SORCS1: variants seen among roughly 807,000 people sequenced by gnomAD.
SORCS1 encodes the protein sortilin related VPS10 domain containing receptor 1, also known as VPS10 domain-containing receptor SorCS1.
A neutral mutation model predicts 146.1 loss-of-function variants in SORCS1; 60 were observed. The ratio of observed to expected loss-of-function variants is 0.41; its 90% CI spans 0.33 to 0.51. The LOEUF (loss-of-function observed/expected upper bound fraction) is 0.51, where lower values mean the gene tolerates loss of function less well. SORCS1 is among the 20% of genes least tolerant of loss of function. SORCS1 has a pLI of 0.21. For missense variants in SORCS1, 1,352 were observed against 1,487.6 expected (o/e 0.91, Z 1.50); for synonymous variants, 637 against 584.0 (o/e 1.09, Z -1.31).
At position 106,868,343 on chromosome 10, in the gene SORCS1, C is replaced by T. The variant is rs1473483794; in HGVS notation, c.627-38670G>A. ...ACCTGAACTCAATATTGTACCAAAT[C>T]AATCTGATAGACCTCTACAGAACTC... On this transcript the variant is annotated intron_variant, in intron 2 of 25. Coordinates refer to ENST00000263054, the MANE Select transcript of SORCS1 (RefSeq NM_052918.5). Among the ~76,000 whole-genome samples the T allele has an allele frequency of 2.0e-5, 3 of 152,088 alleles. No individual in the cohort carries two copies. The East Asian group carries it at 5.8e-4, about 29-fold the overall frequency.
intron 2 of SORCS1, among the ~76,000 whole-genome samples, chr10:106,900,944 T>C (rs1442530598): frequency 6.6e-6 from 1 of 152,190 alleles, no homozygotes; most frequent in Non-Finnish European, 1.5e-5. Flanking sequence ...CTGCATATTT[T>C]GGTTTTGGTT....
intron 9 of SORCS1, among the ~76,000 whole-genome samples, chr10:106,690,399 A>G (rs941792875): frequency 6.6e-6 from 1 of 152,234 alleles, no homozygotes; most frequent in Non-Finnish European, 1.5e-5. Flanking sequence ...GAAGGAATAA[A>G]AATGTTACCT....
chr10:106,888,099 T>C (rs992754619), intron 2 of SORCS1, among the ~76,000 whole-genome samples: 7 of 152,164 alleles, frequency 4.6e-5, no homozygotes, highest in Admixed American at 2.6e-4. Flanking sequence ...ATAAGTGAAA[T>C]AGAATCTGAG....
At chr10:106,597,286 G>A in intron 24 of SORCS1, 65 bp downstream of exon 24, 6 of 1,299,226 alleles carry the variant, frequency 4.6e-6, no homozygotes, top group Middle Eastern at 1.8e-4. Flanking sequence ...TATGAGGAAG[G>A]AAGCACGGAC....
intron 2 of SORCS1, among the ~76,000 whole-genome samples, chr10:106,837,485 G>A (rs911900539): frequency 1.3e-5 from 2 of 151,560 alleles, no homozygotes; most frequent in African/African-American, 4.9e-5. Flanking sequence ...ATTGAATAAA[G>A]ACAGTACTGC....
At chr10:106,729,385 C>T (rs1856432564) in intron 6 of SORCS1, among the ~76,000 whole-genome samples, 1 of 152,042 alleles carries the variant, frequency 6.6e-6, no homozygotes, top group South Asian at 2.1e-4. Flanking sequence ...GCAATTCACT[C>T]AACTGACTCT....
the SORCS1 span, among the ~76,000 whole-genome samples, chr10:107,178,843 TA>T: frequency 0.057 from 8,668 of 151,884 alleles, 509 homozygotes; most frequent in East Asian, 0.3. Flanking sequence ...TATACCACAT[TA>T]AAAAAAATCC....
Position 106,707,453 on chromosome 10 carries a change from G to A in SORCS1, c.1144-819C>T, listed in dbSNP as rs967767168. On this transcript the variant is annotated intron_variant, in intron 7 of 25. Transcript: ENST00000263054. ...TGACCTCAGGTGATCTGCCCGCCTCGGCCTCCCAAAATGCTGGGATTACAG... is the reference window on the plus strand; with the variant it reads ...TGACCTCAGGTGATCTGCCCGCCTCAGCCTCCCAAAATGCTGGGATTACAG... Among the ~76,000 whole-genome samples, 9 of 152,102 alleles carry A rather than the reference G, an allele frequency of 5.9e-5. No individual in the cohort carries two copies. The East Asian group carries it at 1.2e-3, about 20-fold the overall frequency.
chr10:106,593,524 CA>C (rs1311309281), intron 24 of SORCS1, among the ~76,000 whole-genome samples: 1 of 152,222 alleles, frequency 6.6e-6, no homozygotes, highest in African/African-American at 2.4e-5. Flanking sequence ...GTTATTCCAT[CA>C]GCCCATGACA....
intron 1 of SORCS1, among the ~76,000 whole-genome samples, chr10:106,976,333 G>GTTTTTTTTTTGTTTTTTTTT (rs757120275): frequency 2.6e-5 from 3 of 113,814 alleles, no homozygotes; most frequent in African/African-American, 3.9e-5. Flanking sequence ...AGGTTTTTTT[G>GTTTTTTTTTTGTTTTTTTTT]TTTTTTTTTT....
rs955384204 is a variant in SORCS1, at chr10:106,782,922, C to A, written c.727-6230G>T. Among the ~76,000 whole-genome samples the A allele has an allele frequency of 5.9e-5, 9 of 152,296 alleles. No individual in the cohort carries two copies. In the South Asian group the frequency reaches 1.9e-3, roughly 32 times the overall value. On this transcript the variant is annotated intron_variant, in intron 3 of 25. Coordinates refer to ENST00000263054, the MANE Select transcript of SORCS1 (RefSeq NM_052918.5). ...TCCTAAACCTGGCTCTAGTCAATGT[C>A]TTCATGAATGTGTACTTTTCCTCAC...
intron 9 of SORCS1, among the ~76,000 whole-genome samples, chr10:106,690,042 G>A (rs1030885623): frequency 1.3e-5 from 2 of 152,210 alleles, no homozygotes; most frequent in African/African-American, 2.4e-5. Context: ...ATCAGTAGCA[G>A]CCAGACCAAC....
intron 23 of SORCS1, 90 bp from the exon 24 acceptor site, chr10:106,597,540 T>G (rs763537851): frequency 6.3e-6 from 6 of 957,108 alleles, no homozygotes; most frequent in Non-Finnish European, 9.8e-6. Context: ...TTCACCAAGG[T>G]ATCACAATAT....
At chr10:106,815,214 C>T (rs944736868) in intron 3 of SORCS1, among the ~76,000 whole-genome samples, 1 of 152,068 alleles carries the variant, frequency 6.6e-6, no homozygotes, top group Non-Finnish European at 1.5e-5. Context: ...ACCTTGGCCT[C>T]CCAAAGTGCT....
intron 20 of SORCS1, 184 bp downstream of exon 20, chr10:106,620,244 G>C: frequency 3.2e-6 from 2 of 616,352 alleles, no homozygotes; most frequent in East Asian, 3.4e-5. Context: ...AGGTGGAGAG[G>C]GGCCAGAGAG....
At chr10:107,179,849 T>G in the SORCS1 span, among the ~76,000 whole-genome samples, 8 of 150,514 alleles carry the variant, frequency 5.3e-5, no homozygotes, top group African/African-American at 1.9e-4. Context: ...AAATATGTTT[T>G]CCCACTCTTT....
At chr10:106,743,722 G>A (rs1857516914) in intron 5 of SORCS1, among the ~76,000 whole-genome samples, 1 of 152,124 alleles carries the variant, frequency 6.6e-6, no homozygotes, top group Non-Finnish European at 1.5e-5. Flanking sequence ...ACCGCACCCG[G>A]CCTGTATAAT....
At chr10:106,961,067 A>T (rs1955200197) in intron 1 of SORCS1, among the ~76,000 whole-genome samples, 1 of 152,198 alleles carries the variant, frequency 6.6e-6, no homozygotes, top group Non-Finnish European at 1.5e-5. Flanking sequence ...CTCTTTCTGC[A>T]CTGGGTTACA....
chr10:106,829,233 A>T (rs1467559134), intron 3 of SORCS1, among the ~76,000 whole-genome samples: 11 of 152,198 alleles, frequency 7.2e-5, no homozygotes, highest in Non-Finnish European at 1.6e-4. Flanking sequence ...ATGAAAATCC[A>T]TCTTTTCTGC....
Sources: allele counts gnomAD v4.1 joint callset (sites outside exome capture counted in the v4.1 genomes callset), GRCh38; gene constraint gnomAD v4.1.1; transcripts MANE v1.5; gene names NCBI Gene and HGNC (gene_info 2026-07-23, HGNC 2026-07-21).